RABL3: variants seen among roughly 807,000 people sequenced by gnomAD.
The protein encoded by RABL3 is RAB, member of RAS oncogene family like 3, also known as rab-like protein 3.
A neutral mutation model predicts 31.8 loss-of-function variants in RABL3; 31 were observed. The observed-to-expected ratio is 0.97, with a 90% CI of 0.73 to 1.31. The LOEUF (loss-of-function observed/expected upper bound fraction) is 1.31, where lower values mean the gene tolerates loss of function less well. Ranked by LOEUF, RABL3 falls within the 40% of genes most tolerant of loss-of-function variation. The probability of loss-of-function intolerance (pLI) is 0.00; values close to 1 mark genes in which losing one functional copy is unlikely to be tolerated. For missense variants in RABL3, 263 were observed against 279.6 expected (o/e 0.94, Z 0.42); for synonymous variants, 97 against 99.9 (o/e 0.97, Z 0.18).
intron 4 of RABL3, among the ~76,000 whole-genome samples, chr3:120,700,659 G>T (rs944996886): frequency 6.6e-6 from 1 of 151,972 alleles, no homozygotes; most frequent in Admixed American, 6.5e-5. Flanking sequence ...ATGGTGTCAT[G>T]TTAAAAAAAA....
intron 2 of RABL3, among the ~76,000 whole-genome samples, chr3:120,719,644 G>A (rs1420676224): frequency 6.6e-6 from 1 of 152,230 alleles, no homozygotes; most frequent in African/African-American, 2.4e-5. Context: ...CAGCAGCCAG[G>A]CTGGGGGAGG....
chr3:120,709,237 G>A lies in RABL3; in HGVS notation c.268+543C>T, dbSNP rs144677727. Reference sequence around the variant, plus strand: ...GTACTCTATGAAAGGAAATTATGTCGTATATTACACAGCTCCATCTGGAAG... The same window carrying A: ...GTACTCTATGAAAGGAAATTATGTCATATATTACACAGCTCCATCTGGAAG... On this transcript the variant is annotated intron_variant, in intron 3 of 7. Transcript: ENST00000273375. 1.6e-4 allele frequency among the ~76,000 whole-genome samples: 24 copies of A among 152,092 alleles called. No individual in the cohort carries two copies. In the East Asian group the frequency reaches 2.1e-3, roughly 13 times the overall value.
At chr3:120,727,030 G>C (rs1195589790) in intron 2 of RABL3, among the ~76,000 whole-genome samples, 1 of 151,980 alleles carries the variant, frequency 6.6e-6, no homozygotes, top group Non-Finnish European at 1.5e-5. Flanking sequence ...TGCAGTTAAC[G>C]CTGTGCTTAG....
At chr3:120,728,466 G>A (rs1203122356) in intron 2 of RABL3, among the ~76,000 whole-genome samples, 1 of 152,146 alleles carries the variant, frequency 6.6e-6, no homozygotes, top group Non-Finnish European at 1.5e-5. Context: ...CAGAATCGGA[G>A]CTAGAAAAAT....
At chr3:120,741,191 G>A (rs1405600820) in intron 1 of RABL3, among the ~76,000 whole-genome samples, 1 of 152,202 alleles carries the variant, frequency 6.6e-6, no homozygotes, top group Non-Finnish European at 1.5e-5. Context: ...TACTTTATCT[G>A]TAAAACTGAG....
intron 4 of RABL3, among the ~76,000 whole-genome samples, chr3:120,700,550 C>T (rs957820382): frequency 1.3e-4 from 19 of 151,552 alleles, no homozygotes; most frequent in Admixed American, 2.6e-4. Context: ...GATACTATTT[C>T]GAAAAAATCA....
intron 5 of RABL3, among the ~76,000 whole-genome samples, chr3:120,696,224 G>A (rs1708434209): frequency 6.6e-6 from 1 of 152,124 alleles, no homozygotes; most frequent in African/African-American, 2.4e-5. Flanking sequence ...CACCTTTGAT[G>A]TATACATTTG....
intron 1 of RABL3, 76 bp downstream of exon 1, chr3:120,742,386 G>T: frequency 7.2e-7 from 1 of 1,396,642 alleles, no homozygotes; most frequent in South Asian, 1.2e-5. Context: ...AGGAAGTTGA[G>T]GGAAGGAAGC....
intron 2 of RABL3, among the ~76,000 whole-genome samples, chr3:120,729,415 A>G (rs1002729463): frequency 6.6e-6 from 1 of 152,206 alleles, no homozygotes; most frequent in Non-Finnish European, 1.5e-5. Context: ...TGATCATCTT[A>G]AAGAATTACA....
At chr3:120,738,152 A>C (rs567909401) in intron 1 of RABL3, among the ~76,000 whole-genome samples, 2 of 152,342 alleles carry the variant, frequency 1.3e-5, no homozygotes, top group African/African-American at 2.4e-5. Context: ...GGTGGGCTCC[A>C]CCCAGTTCGA....
Position 120,738,490 on chromosome 3 carries a change from C to G in RABL3, c.46+3972G>C, listed in dbSNP as rs912190079. The G allele has an allele frequency of 2.0e-5, 3 of 152,424 alleles. No homozygotes were observed. In the East Asian group the frequency reaches 5.8e-4, roughly 29 times the overall value. The allele number at this position is 152,424 out of a possible 1,614,324, so 9.4% of individuals were successfully genotyped here. A position where few individuals can be genotyped will look rare whatever the true frequency, so the allele number is the denominator to read the frequency against. ...TGGGCTGCACCCACTGTCCTGCCCC[C>G]ACGGTCTGACAAGCCCCAGTGAAAT... On this transcript the variant is annotated intron_variant, in intron 1 of 7. Coordinates refer to ENST00000273375, the MANE Select transcript of RABL3 (RefSeq NM_173825.5).
At chr3:120,734,558 T>C (rs1708930999) in intron 1 of RABL3, among the ~76,000 whole-genome samples, 1 of 152,226 alleles carries the variant, frequency 6.6e-6, no homozygotes, top group African/African-American at 2.4e-5. Flanking sequence ...CTGATTGCCC[T>C]GGCCAGAACT....
upstream of RABL3, chr3:120,742,608 G>T: frequency 8.6e-7 from 1 of 1,166,188 alleles, no homozygotes; most frequent in Non-Finnish European, 1.3e-6. Context: ...GCCACTCGGA[G>T]CGTGACTGTC....
chr3:120,742,156 T>C lies in RABL3; in HGVS notation c.46+306A>G, dbSNP rs1417652533. Among the ~76,000 whole-genome samples the C allele has an allele frequency of 2.6e-5, 3 of 115,500 alleles. No homozygotes were observed. In the South Asian group the frequency reaches 8.4e-4, roughly 32 times the overall value. 75.8% of individuals were successfully genotyped at this position (115,500 alleles called of 152,430 possible). A position where few individuals can be genotyped will look rare whatever the true frequency, so the allele number is the denominator to read the frequency against. ...ACCCCATACAATACTCAATGCCTGCTTTTTTTTTTTTTTTTTTTAATAAAA... is the reference window on the plus strand; with the variant it reads ...ACCCCATACAATACTCAATGCCTGCCTTTTTTTTTTTTTTTTTTAATAAAA... On this transcript the variant is annotated intron_variant, in intron 1 of 7. Transcript: ENST00000273375.
intron 6 of RABL3, among the ~76,000 whole-genome samples, chr3:120,693,245 G>T (rs1047513968): frequency 1.3e-4 from 20 of 152,220 alleles, no homozygotes; most frequent in African/African-American, 4.6e-4. Flanking sequence ...ATCGAGGAGG[G>T]TGCTGGAGCT....
Position 120,694,217 on chromosome 3 carries a change from G to C in RABL3, c.542C>G (p.Thr181Arg). 1.2e-6 allele frequency: 2 copies of C among 1,609,102 alleles called. No individual in the cohort carries two copies. The highest frequency in any genetic ancestry group is 1.7e-6 in the Non-Finnish European group (2 of 1,176,124). Reference sequence around the variant, plus strand: ...ACCTGCAGCTAAGTACCGTGGATTTGTGCAGTCCTAGAAGATAAAACATAA... The same window carrying C: ...ACCTGCAGCTAAGTACCGTGGATTTCTGCAGTCCTAGAAGATAAAACATAA... ...FNPEEINLDC[T>R]NPRYLAAGSS... The change falls in exon 6 of 8, where the codon ACA (threonine) becomes AGA (arginine). Residue 181 changes from threonine to arginine, a missense_variant. Transcript: ENST00000273375.
intron 3 of RABL3, among the ~76,000 whole-genome samples, 171 bp downstream of exon 3, chr3:120,709,609 T>A (rs1220539859): frequency 6.6e-6 from 1 of 152,000 alleles, no homozygotes; most frequent in East Asian, 1.9e-4. Context: ...AATTAGATGG[T>A]TACAATGTAG....
rs1708305999 is a variant in RABL3 at position 120,686,239 on chromosome 3, A to G, written c.*3584T>C. On this transcript the variant is annotated 3_prime_UTR_variant, in exon 8 of 8. Coordinates refer to ENST00000273375, the MANE Select transcript of RABL3 (RefSeq NM_173825.5). ...AGACTCCTCCTTTGAATTTTAACAT[A>G]TATTAAACCAATGCAGACACCCTGT... Among the ~76,000 whole-genome samples the G allele has an allele frequency of 6.6e-6, 1 of 152,184 alleles. No individual in the cohort carries two copies. The highest frequency in any genetic ancestry group is 2.4e-5 in the African/African-American group (1 of 41,436).
chr3:120,728,308 T>C (rs1364025663), intron 2 of RABL3, among the ~76,000 whole-genome samples: 1 of 152,176 alleles, frequency 6.6e-6, no homozygotes, highest in Non-Finnish European at 1.5e-5. Flanking sequence ...AAGCACATAT[T>C]ATTGACCTCT....
Sources: allele counts gnomAD v4.1 joint callset (sites outside exome capture counted in the v4.1 genomes callset), GRCh38; gene constraint gnomAD v4.1.1; transcripts MANE v1.5; gene names NCBI Gene and HGNC (gene_info 2026-07-23, HGNC 2026-07-21).